SHB: variants seen among roughly 807,000 people sequenced by gnomAD.
SHB encodes the protein SH2 domain-containing adapter protein B.
Under a neutral mutation model 52.3 loss-of-function variants are expected in SHB, and 20 were observed. The ratio of observed to expected loss-of-function variants is 0.38; its 90% CI spans 0.27 to 0.56. The LOEUF is 0.56. SHB is among the 20% of genes least tolerant of loss of function. The pLI, the probability that SHB is intolerant of heterozygous loss-of-function variation, is 0.71. For synonymous variants in SHB, 397 were observed against 316.5 expected (o/e 1.25, Z -2.70); for missense variants, 825 against 723.3 (o/e 1.14, Z -1.61).
intron 3 of SHB, among the ~76,000 whole-genome samples, chr9:37,958,219 G>GA: frequency 6.7e-6 from 1 of 149,788 alleles, no homozygotes; most frequent in Non-Finnish European, 1.5e-5. Flanking sequence ...GGAGGGCAGC[G>GA]AGGCAGTGCC....
intron 3 of SHB, among the ~76,000 whole-genome samples, chr9:37,971,630 G>A (rs542301945): frequency 1.2e-4 from 19 of 152,340 alleles, no homozygotes; most frequent in African/African-American, 4.3e-4. Flanking sequence ...ACAGAGGCCA[G>A]TGACCGGATG....
At chr9:38,048,750 C>T (rs1225580393) in intron 1 of SHB, among the ~76,000 whole-genome samples, 9 of 152,192 alleles carry the variant, frequency 5.9e-5, no homozygotes, top group Non-Finnish European at 1.5e-5. Flanking sequence ...TGGCTGTATT[C>T]CCTCTCACTT....
At chr9:38,034,265 A>G (rs1773582044) in intron 1 of SHB, among the ~76,000 whole-genome samples, 1 of 152,230 alleles carries the variant, frequency 6.6e-6, no homozygotes, top group Non-Finnish European at 1.5e-5. Flanking sequence ...AGAGGCCTCC[A>G]CTGCCTGGGA....
At chr9:37,968,071 C>G (rs1820550405) in intron 3 of SHB, among the ~76,000 whole-genome samples, 1 of 152,162 alleles carries the variant, frequency 6.6e-6, no homozygotes, top group Non-Finnish European at 1.5e-5. Flanking sequence ...GGAAACAGGT[C>G]CTCTGTGGCC....
chr9:37,926,008 C>T (rs564220579), intron 5 of SHB, among the ~76,000 whole-genome samples: 44 of 152,274 alleles, frequency 2.9e-4, no homozygotes, highest in African/African-American at 1.0e-3. Flanking sequence ...TCCACCCCCA[C>T]AGACATGTAC....
intron 5 of SHB, among the ~76,000 whole-genome samples, chr9:37,932,562 C>CAAAAAAAAA (rs74171537): frequency 2.3e-5 from 2 of 86,748 alleles, no homozygotes; most frequent in African/African-American, 8.3e-5. Flanking sequence ...GCTCTAGCCA[C>CAAAAAAAAA]AAAAAAAAAA....
chr9:37,984,779 C>A lies in SHB; in HGVS notation c.839-9942G>T, dbSNP rs138565863. Among the ~76,000 whole-genome samples the A allele has an allele frequency of 2.9e-3, 446 of 152,290 alleles. 3 individuals are homozygous for A. The highest frequency in any genetic ancestry group is 0.01 in the African/African-American group (423 of 41,558). On this transcript the variant is annotated intron_variant, in intron 2 of 5. Coordinates refer to ENST00000377707, the MANE Select transcript of SHB (RefSeq NM_003028.3). ...AGGTGCCACATCAAAAGGGAGGTGACTTTACCCCCATCTAAACCATTCAAA... is the reference window on the plus strand; with the variant it reads ...AGGTGCCACATCAAAAGGGAGGTGAATTTACCCCCATCTAAACCATTCAAA...
intron 1 of SHB, among the ~76,000 whole-genome samples, chr9:38,035,300 G>A (rs1230056959): frequency 2.6e-5 from 4 of 151,690 alleles, no homozygotes; most frequent in Non-Finnish European, 4.4e-5. Flanking sequence ...GGGAGGTAGT[G>A]AGCTCCCTGT....
chr9:37,990,355 G>A (rs924558020), intron 2 of SHB, among the ~76,000 whole-genome samples: 6 of 152,100 alleles, frequency 3.9e-5, no homozygotes, highest in African/African-American at 1.4e-4. Flanking sequence ...AGCCCTTTGC[G>A]TGCTCAGGCT....
chr9:38,068,456 A>G lies in SHB; in HGVS notation c.190T>C (p.Ser64Pro). The change falls in exon 1 of 6, where the codon TCA becomes CCA. Residue 64 changes from serine (S) to proline (P), a missense_variant. Ser to Pro is a moderately conservative substitution (Grantham distance 74). Coordinates refer to ENST00000377707, the MANE Select transcript of SHB (RefSeq NM_003028.3). ...TCGGGCAGCGAGCCCGAAGAGGCTG[A>G]GAAGCAGGAGGCGGTGGCCGGACCG... ...SCGPATASCFSASSGSLPDDS... is the reference protein window; with the variant it reads ...SCGPATASCFPASSGSLPDDS... 6.5e-7 allele frequency: 1 copy of G among 1,528,408 alleles called. No homozygotes were observed. The highest frequency in any genetic ancestry group is 2.7e-5 in the East Asian group (1 of 37,726). The allele number at this position is 1,528,408 out of a possible 1,614,324, so 94.7% of individuals were successfully genotyped here.
chr9:37,988,094 G>C (rs550058462), intron 2 of SHB, among the ~76,000 whole-genome samples: 1 of 152,334 alleles, frequency 6.6e-6, no homozygotes, highest in East Asian at 1.9e-4. Flanking sequence ...GCCCAGCACA[G>C]CTGCCCCTGC....
chr9:38,024,856 ATGG>A (rs1821321632), intron 1 of SHB, among the ~76,000 whole-genome samples: 1 of 152,132 alleles, frequency 6.6e-6, no homozygotes, highest in South Asian at 2.1e-4. Context: ...TCCCTGGGGG[ATGG>A]TCTATTCTGC....
chr9:38,056,485 C>T (rs967877501), intron 1 of SHB, among the ~76,000 whole-genome samples: 1 of 152,138 alleles, frequency 6.6e-6, no homozygotes, highest in Non-Finnish European at 1.5e-5. Context: ...GGGGATGCCA[C>T]CACACACAGG....
intron 1 of SHB, among the ~76,000 whole-genome samples, chr9:38,051,785 C>G (rs1821754016): frequency 6.6e-6 from 1 of 152,200 alleles, no homozygotes; most frequent in Non-Finnish European, 1.5e-5. Context: ...CTCTGCCGGT[C>G]AGAGTGGCCC....
chr9:38,068,554 C>T lies in SHB; in HGVS notation c.92G>A (p.Arg31Gln). 1.4e-6 allele frequency: 2 copies of T among 1,463,690 alleles called. No homozygotes were observed. Among genetic ancestry groups the T allele is most frequent in the Non-Finnish European group, 1.8e-6 (2 of 1,119,998 alleles). 90.7% of individuals were successfully genotyped at this position (1,463,690 alleles called of 1,614,324 possible). A position where few individuals can be genotyped will look rare whatever the true frequency, so the allele number is the denominator to read the frequency against. Residue 31 changes from arginine to glutamine, a missense_variant, in exon 1 of 6, where the codon CGG (arginine) becomes CAG (glutamine). Arg to Gln is a conservative substitution (Grantham distance 43, BLOSUM62 1). Coordinates refer to ENST00000377707, the MANE Select transcript of SHB (RefSeq NM_003028.3). ...QPPRPDYREQ[R>Q]RRGERPSQPP... ...CTGCGAAGGCCGCTCGCCTCGGCGCCGCTGCTCGCGGTAGTCTGGCCGCGG... is the reference window on the plus strand; with the variant it reads ...CTGCGAAGGCCGCTCGCCTCGGCGCTGCTGCTCGCGGTAGTCTGGCCGCGG...
At chr9:37,985,858 C>T (rs1477220763) in intron 2 of SHB, among the ~76,000 whole-genome samples, 1 of 110,506 alleles carries the variant, frequency 9.0e-6, no homozygotes, top group African/African-American at 3.7e-5. Flanking sequence ...CAGCAGTGAG[C>T]GCCTGCCTGC....
intron 2 of SHB, among the ~76,000 whole-genome samples, chr9:38,015,727 C>T (rs895632175): frequency 1.3e-5 from 2 of 152,172 alleles, no homozygotes; most frequent in African/African-American, 4.8e-5. Context: ...ACTTTTTCTC[C>T]CTCCTCTCCC....
chr9:38,039,191 GTCAGGCGTTAAGCC>G (rs1406152451), intron 1 of SHB, among the ~76,000 whole-genome samples: 1 of 152,236 alleles, frequency 6.6e-6, no homozygotes, highest in Non-Finnish European at 1.5e-5. Flanking sequence ...AGATACTGCT[GTCAGGCGTTAAGCC>G]TCCAATGTTA....
At chr9:38,015,288 C>G (rs1821195619) in intron 2 of SHB, 1 of 613,198 alleles carries the variant, frequency 1.6e-6, no homozygotes, top group Admixed American at 2.6e-5. Flanking sequence ...TACAAGATGA[C>G]TGATGTCTGC....
Sources: allele counts gnomAD v4.1 joint callset (sites outside exome capture counted in the v4.1 genomes callset), GRCh38; gene constraint gnomAD v4.1.1; transcripts MANE v1.5; gene names NCBI Gene and HGNC (gene_info 2026-07-23, HGNC 2026-07-21).